The following FOXO1 variants were observed in gnomAD, a reference collection of about 807,000 sequenced individuals.
The protein encoded by FOXO1 is forkhead box O1.
In FOXO1, 6 loss-of-function variants were observed where a neutral mutation model predicts 44.1. The observed-to-expected ratio is 0.14, with a 90% CI of 0.07 to 0.27. The LOEUF is 0.27. Ranked by LOEUF, FOXO1 falls within the 10% of genes least tolerant of loss-of-function variation. FOXO1 has a pLI of 1.00. For synonymous variants in FOXO1, 380 were observed against 362.7 expected, an observed-to-expected ratio of 1.05 and a Z score of -0.54; for missense variants, 737 against 888.8, an observed-to-expected ratio of 0.83 and a Z score of 2.17.
At position 40,576,742 on chromosome 13, in the gene FOXO1, T is replaced by C. The variant is rs545012396; in HGVS notation, c.631-15882A>G. On this transcript the variant is annotated intron_variant, in intron 1 of 2. Transcript: ENST00000379561. ...TCAAACTTACGGCATAATCTGATATTTTCATAGCCAAAGGAGGGCAGGATG... is the reference window on the plus strand; with the variant it reads ...TCAAACTTACGGCATAATCTGATATCTTCATAGCCAAAGGAGGGCAGGATG... Among the ~76,000 whole-genome samples the C allele has an allele frequency of 9.8e-5, 15 of 152,352 alleles. No individual in the cohort carries two copies. The South Asian group carries it at 2.9e-3, about 29-fold the overall frequency.
intron 1 of FOXO1, among the ~76,000 whole-genome samples, chr13:40,608,806 G>A (rs920692570): frequency 6.6e-5 from 10 of 152,200 alleles, no homozygotes; most frequent in South Asian, 6.2e-4. Context: ...TCAGTGTCAC[G>A]TCACAAAATG....
intron 1 of FOXO1, among the ~76,000 whole-genome samples, chr13:40,571,755 TTGTC>T (rs1457652283): frequency 1.4e-4 from 21 of 152,352 alleles, no homozygotes; most frequent in African/African-American, 4.8e-4. Context: ...ATGAAAATCT[TTGTC>T]TGTTTTATAG....
intron 1 of FOXO1, among the ~76,000 whole-genome samples, chr13:40,633,934 T>G (rs1877057807): frequency 1.3e-5 from 2 of 152,190 alleles, no homozygotes; most frequent in South Asian, 4.1e-4. Context: ...TAGAAATGCA[T>G]GCTATTCCTA....
At chr13:40,655,345 T>C (rs1243335066) in intron 1 of FOXO1, among the ~76,000 whole-genome samples, 6 of 104,978 alleles carry the variant, frequency 5.7e-5, no homozygotes, top group Non-Finnish European at 9.3e-5. Flanking sequence ...TTAGACCCCA[T>C]CTCAAAAAAA....
chr13:40,613,041 T>TA (rs766711174), intron 1 of FOXO1, among the ~76,000 whole-genome samples: 12 of 152,208 alleles, frequency 7.9e-5, no homozygotes, highest in Admixed American at 5.9e-4. Flanking sequence ...GGTGAAGAAT[T>TA]AAACTTTAAT....
chr13:40,658,285 G>A (rs1178931818), intron 1 of FOXO1, among the ~76,000 whole-genome samples: 1 of 152,086 alleles, frequency 6.6e-6, no homozygotes, highest in Non-Finnish European at 1.5e-5. Flanking sequence ...GGGTAGGAAC[G>A]GAAAGTCTCA....
chr13:40,624,376 T>C (rs1292869229), intron 1 of FOXO1, among the ~76,000 whole-genome samples: 1 of 143,218 alleles, frequency 7.0e-6, no homozygotes, highest in Non-Finnish European at 1.5e-5. Context: ...AAGAGAAATA[T>C]GTTACTACAG....
chr13:40,568,667 C>A (rs1198512833), intron 1 of FOXO1, among the ~76,000 whole-genome samples: 1 of 152,108 alleles, frequency 6.6e-6, no homozygotes, highest in Non-Finnish European at 1.5e-5. Context: ...CATGCTTACA[C>A]CCTAGATCCT....
At chr13:40,631,267 T>C (rs1876953603) in intron 1 of FOXO1, among the ~76,000 whole-genome samples, 1 of 152,170 alleles carries the variant, frequency 6.6e-6, no homozygotes, top group African/African-American at 2.4e-5. Context: ...CCGCATTCCA[T>C]AAACTATGAC....
At chr13:40,581,674 T>C (rs1267909100) in intron 1 of FOXO1, among the ~76,000 whole-genome samples, 1 of 152,208 alleles carries the variant, frequency 6.6e-6, no homozygotes, top group African/African-American at 2.4e-5. Context: ...TGCATTTTTT[T>C]CCATTAAGAA....
Position 40,666,184 on chromosome 13 carries a change from A to T in FOXO1, c.29T>A (p.Ile10Asn), listed in dbSNP as rs1878244973. MAEAPQVVEIDPDFEPLPRP... is the reference protein window; with the variant it reads MAEAPQVVENDPDFEPLPRP... ...GGGCAGCGGCTCGAAGTCCGGGTCG[A>T]TCTCCACCACCTGAGGCGCCTCGGC... The change falls in exon 1 of 3, where the codon ATC becomes AAC. Residue 10 changes from isoleucine to asparagine, a missense_variant. Coordinates refer to ENST00000379561, the MANE Select transcript of FOXO1 (RefSeq NM_002015.4). 2.1e-6 allele frequency: 3 copies of T among 1,453,580 alleles called. No individual in the cohort carries two copies. Among genetic ancestry groups the T allele is most frequent in the Non-Finnish European group, 2.7e-6 (3 of 1,105,676 alleles). The allele number at this position is 1,453,580 out of a possible 1,614,324, so 90.0% of individuals were successfully genotyped here. A position where few individuals can be genotyped will look rare whatever the true frequency, so the allele number is the denominator to read the frequency against.
chr13:40,608,135 A>G (rs1409960181), intron 1 of FOXO1, among the ~76,000 whole-genome samples: 1 of 152,226 alleles, frequency 6.6e-6, no homozygotes, highest in African/African-American at 2.4e-5. Flanking sequence ...ACCAAAAGCT[A>G]CCCTCAGCTG....
At chr13:40,643,514 T>C (rs1038681517) in intron 1 of FOXO1, among the ~76,000 whole-genome samples, 1 of 152,122 alleles carries the variant, frequency 6.6e-6, no homozygotes, top group African/African-American at 2.4e-5. Context: ...TACAATTTTA[T>C]ATTCCACTTT....
intron 1 of FOXO1, chr13:40,611,105 A>AC: frequency 2.2e-6 from 1 of 454,100 alleles, no homozygotes; most frequent in East Asian, 7.0e-5. Flanking sequence ...TCAATACTGC[A>AC]CATAGGCTGT....
At chr13:40,632,779 C>A (rs909122766) in intron 1 of FOXO1, among the ~76,000 whole-genome samples, 5 of 150,986 alleles carry the variant, frequency 3.3e-5, no homozygotes, top group African/African-American at 9.7e-5. Flanking sequence ...CCTGTCTCTA[C>A]TAAAAATAAA....
chr13:40,630,384 G>A (rs556463174), intron 1 of FOXO1, among the ~76,000 whole-genome samples: 26 of 152,304 alleles, frequency 1.7e-4, no homozygotes, highest in African/African-American at 4.6e-4. Flanking sequence ...GCCTGGTGCA[G>A]TAGCTCACGC....
At position 40,642,835 on chromosome 13, in the gene FOXO1, C is replaced by T. The variant is rs562496191; in HGVS notation, c.630+22748G>A. On this transcript the variant is annotated intron_variant, in intron 1 of 2. Transcript: ENST00000379561. ...TTCAGAGGCTGAAGTGGGAGGACTG[C>T]TTGAGCCTAGAAGGTGAAGCCGAGA... Among the ~76,000 whole-genome samples the T allele has an allele frequency of 2.6e-5, 4 of 152,218 alleles. No homozygotes were observed. In the East Asian group the frequency reaches 5.8e-4, roughly 22 times the overall value.
chr13:40,592,713 CAG>C (rs2137867388), intron 1 of FOXO1, among the ~76,000 whole-genome samples: 1 of 152,306 alleles, frequency 6.6e-6, no homozygotes, highest in African/African-American at 2.4e-5. Flanking sequence ...ATAACTAAAA[CAG>C]AATTTAAATT....
At chr13:40,588,679 A>C (rs2137861747) in intron 1 of FOXO1, among the ~76,000 whole-genome samples, 1 of 152,346 alleles carries the variant, frequency 6.6e-6, no homozygotes, top group Non-Finnish European at 1.5e-5. Context: ...CCCCAGCCTA[A>C]TGAACAACCC....
Sources: allele counts gnomAD v4.1 joint callset (sites outside exome capture counted in the v4.1 genomes callset), GRCh38; gene constraint gnomAD v4.1.1; transcripts MANE v1.5; gene names NCBI Gene and HGNC (gene_info 2026-07-23, HGNC 2026-07-21).